The following TRPM1 variants were observed in gnomAD, a reference collection of about 807,000 sequenced individuals.
The protein encoded by TRPM1 is transient receptor potential cation channel subfamily M member 1, also known as TRPM1-203 APA Isoform, Intron 10.
A neutral mutation model predicts 149.4 loss-of-function variants in TRPM1; 113 were observed. The observed-to-expected ratio is 0.76, with a 90% CI of 0.65 to 0.88. TRPM1 has a LOEUF of 0.88. TRPM1 is among the 40% of genes least tolerant of loss of function. The pLI is 0.00. For synonymous variants in TRPM1, 741 were observed against 759.5 expected, an observed-to-expected ratio of 0.98 and a Z score of 0.40; for missense variants, 1,976 against 2,038.7, an observed-to-expected ratio of 0.97 and a Z score of 0.59.
chr15:31,157,986 G>A (rs968918203), intron 1 of TRPM1, among the ~76,000 whole-genome samples: 2 of 152,096 alleles, frequency 1.3e-5, no homozygotes, highest in Non-Finnish European at 2.9e-5. Flanking sequence ...CGTCAATGAA[G>A]GGCCTAGTGT....
intron 1 of TRPM1, among the ~76,000 whole-genome samples, chr15:31,113,850 CGCTCCCACACG>C: frequency 6.6e-6 from 1 of 152,148 alleles, no homozygotes; most frequent in Non-Finnish European, 1.5e-5. Flanking sequence ...AAAACAACGA[CGCTCCCACACG>C]CTGGAAGGGT....
At chr15:31,079,082 T>C (rs1371571117) in intron 2 of TRPM1, among the ~76,000 whole-genome samples, 2 of 152,136 alleles carry the variant, frequency 1.3e-5, no homozygotes, top group Non-Finnish European at 2.9e-5. Context: ...AAAATTAAAG[T>C]TATCAGTGTG....
Position 31,075,593 on chromosome 15 carries a change from G to A in TRPM1, c.83+1312C>T, listed in dbSNP as rs147875231. ...CAGGACTTAGCCTCAGCAACAGGTG[G>A]TAAGGGACAGGATGAGAAATGCTGA... On this transcript the variant is annotated intron_variant, in intron 3 of 27. Transcript: ENST00000256552. Among the ~76,000 whole-genome samples the A allele has an allele frequency of 9.4e-4, 143 of 152,276 alleles. 1 individual carries two copies. Among genetic ancestry groups the A allele is most frequent in the African/African-American group, 3.3e-3 (136 of 41,556 alleles).
chr15:31,042,139 G>C lies in TRPM1; in HGVS notation c.1899C>G (p.Pro633=). The C allele has an allele frequency of 6.2e-7, 1 of 1,614,196 alleles. No individual in the cohort carries two copies. The highest frequency in any genetic ancestry group is 8.5e-7 in the Non-Finnish European group (1 of 1,180,038). Residue 633 remains proline (P), a synonymous_variant, in exon 17 of 28, where the codon CCC becomes CCG. Transcript: ENST00000256552. ...DDPAVSRFQY[P]FHELMVWAVL... ...CTGCCCACACCATCAGCTCGTGGAA[G>C]GGATACTGGAACCGACTCACGGCAG...
At chr15:31,156,986 G>A (rs546906546) in intron 1 of TRPM1, among the ~76,000 whole-genome samples, 4 of 150,564 alleles carry the variant, frequency 2.7e-5, no homozygotes, top group South Asian at 2.1e-4. Context: ...AGTGCAGCTC[G>A]CTGCATCCTT....
chr15:31,067,585 G>A (rs1171573682), intron 5 of TRPM1, among the ~76,000 whole-genome samples: 1 of 152,088 alleles, frequency 6.6e-6, no homozygotes, highest in Non-Finnish European at 1.5e-5. Flanking sequence ...AAGGATTGTC[G>A]AGAGGTCTAA....
chr15:31,090,649 GA>G (rs1179841797), intron 1 of TRPM1, among the ~76,000 whole-genome samples: 5,384 of 131,384 alleles, frequency 0.041, 270 homozygotes, highest in African/African-American at 0.12. Context: ...AAACAAAAAA[GA>G]AAAAAAAAAA....
At chr15:31,080,823 C>T (rs1045701400) in intron 2 of TRPM1, among the ~76,000 whole-genome samples, 1 of 151,600 alleles carries the variant, frequency 6.6e-6, no homozygotes. Flanking sequence ...CGCGCTGGGG[C>T]GCTGTCCAGG....
chr15:31,097,934 A>C (rs1328371784), intron 1 of TRPM1, among the ~76,000 whole-genome samples: 2 of 152,342 alleles, frequency 1.3e-5, no homozygotes, highest in East Asian at 1.9e-4. Flanking sequence ...ACAATAAAGA[A>C]AGACATAAAA....
At chr15:31,098,950 TC>T (rs915275093) in intron 1 of TRPM1, among the ~76,000 whole-genome samples, 2 of 152,184 alleles carry the variant, frequency 1.3e-5, no homozygotes, top group Admixed American at 1.3e-4. Flanking sequence ...TAACTTGTTT[TC>T]TTAAAGTCAG....
rs765447122 is a variant in TRPM1, at chr15:31,076,975, A to G, written c.13T>C (p.Ser5Pro). The change falls in exon 3 of 28, where the codon TCT becomes CCT. Residue 5 changes from serine (S) to proline (P), a missense_variant. This residue lies in a region of TRPM1 where 1,332 missense variants were observed against 1,347.1 expected (regional missense o/e 0.99). Transcript: ENST00000256552. The part of the protein sequence containing the change: MGQK[S>P]WIEKTFCKRE... ...TTGCAAAAGGTTTTCTCTATCCAAG[A>G]TTTCTGACCCTGGAAGAGAGAGAGA... is the stretch of plus-strand genomic sequence containing the variant. 32 of 1,611,386 alleles carry G rather than the reference A, an allele frequency of 2.0e-5. No individual in the cohort carries two copies. The highest frequency in any genetic ancestry group is 2.6e-5 in the Non-Finnish European group (31 of 1,177,586).
chr15:31,057,999 T>G (rs2034128873), intron 11 of TRPM1, among the ~76,000 whole-genome samples: 1 of 152,144 alleles, frequency 6.6e-6, no homozygotes, highest in South Asian at 2.1e-4. Flanking sequence ...CCCCAGCCAT[T>G]TGGAGATGTG....
At chr15:31,102,852 C>T (rs369741975), upstream of TRPM1, among the ~76,000 whole-genome samples, 151 of 152,340 alleles carry the variant, frequency 9.9e-4, no homozygotes, top group Non-Finnish European at 1.3e-3. Flanking sequence ...AGCCCCTGGG[C>T]GCACAATGAC....
chr15:31,091,441 G>C (rs1048299986), intron 1 of TRPM1, among the ~76,000 whole-genome samples: 5 of 152,268 alleles, frequency 3.3e-5, no homozygotes, highest in Admixed American at 2.0e-4. Context: ...TCAGATCTCA[G>C]CACCACCTGT....
At position 31,069,787 on chromosome 15, in the gene TRPM1, G is replaced by A. The variant is rs749247745; in HGVS notation, c.279+244C>T. ...GCAGGGTTGGGCCAGAGCCTGGTTTGTGGATTCAGAGCTTTGGTATGGATT... is the reference window on the plus strand; with the variant it reads ...GCAGGGTTGGGCCAGAGCCTGGTTTATGGATTCAGAGCTTTGGTATGGATT... On this transcript the variant is annotated intron_variant, in intron 4 of 27. Transcript: ENST00000256552. 5 of 1,460,014 alleles carry A rather than the reference G, an allele frequency of 3.4e-6. No individual in the cohort carries two copies. The African/African-American group carries it at 5.7e-5, about 17-fold the overall frequency. 90.4% of individuals were successfully genotyped at this position (1,460,014 alleles called of 1,614,324 possible). A position where few individuals can be genotyped will look rare whatever the true frequency, so the allele number is the denominator to read the frequency against.
At chr15:31,011,663 T>C (rs1342628449) in intron 27 of TRPM1, among the ~76,000 whole-genome samples, 2 of 144,616 alleles carry the variant, frequency 1.4e-5, no homozygotes, top group Non-Finnish European at 3.0e-5. Flanking sequence ...TTAATGCCAA[T>C]TACTTTTTTT....
intron 13 of TRPM1, among the ~76,000 whole-genome samples, chr15:31,048,263 A>G (rs529208165): frequency 2.6e-5 from 4 of 152,276 alleles, no homozygotes; most frequent in South Asian, 2.1e-4. Flanking sequence ...TCGTCTAAGA[A>G]TGAATAAATA....
chr15:31,040,079 A>G lies in TRPM1; in HGVS notation c.2316+39T>C. ...TCAGCCTGGCAGAGAGTCACTTGTC[A>G]CTGTCACCCTGGCCCGCCTCGCAGC... On this transcript the variant is annotated intron_variant, in intron 18 of 27. Coordinates refer to ENST00000256552, the MANE Select transcript of TRPM1 (RefSeq NM_001252024.2). The surrounding 1 kb of genome is among the most constrained non-coding windows in gnomAD (Gnocchi z 4.2). 6.3e-7 allele frequency: 1 copy of G among 1,582,102 alleles called. No homozygotes were observed. Among genetic ancestry groups the G allele is most frequent in the Non-Finnish European group, 8.7e-7 (1 of 1,151,060 alleles).
upstream of TRPM1, among the ~76,000 whole-genome samples, chr15:31,106,136 C>A (rs1272022973): frequency 8.1e-6 from 1 of 123,462 alleles, no homozygotes; most frequent in Non-Finnish European, 1.7e-5. Context: ...AAACCTTTTT[C>A]TTTTCTTTTT....
Sources: gnomAD v4.1 joint callset for allele counts (sites outside exome capture counted in the v4.1 genomes callset) on GRCh38, gnomAD v4.1.1 for gene constraint, gnomAD v4.1.1 regional missense constraint, Gnocchi (gnomAD v3.1) non-coding constraint, MANE v1.5 for transcripts, NCBI Gene and HGNC (gene_info 2026-07-23, HGNC 2026-07-21) for gene names.